The following PPP1R9A variants were observed in gnomAD, a reference collection of about 807,000 sequenced individuals.
PPP1R9A encodes neurabin-1.
PPP1R9A carries 59 observed loss-of-function variants against 141.9 expected under a neutral mutation model. That is an observed-to-expected ratio of 0.42 (90% CI 0.34 to 0.52). PPP1R9A has a LOEUF of 0.52. Ranked by LOEUF, PPP1R9A falls within the 20% of genes least tolerant of loss-of-function variation. PPP1R9A has a pLI of 0.10. For missense variants in PPP1R9A, 1,444 were observed against 1,611.9 expected, an observed-to-expected ratio of 0.90 and a Z score of 1.78; for synonymous variants, 500 against 569.7, an observed-to-expected ratio of 0.88 and a Z score of 1.74.
At chr7:95,260,887 A>G (rs1293864328) in intron 12 of PPP1R9A, among the ~76,000 whole-genome samples, 2 of 152,184 alleles carry the variant, frequency 1.3e-5, no homozygotes, top group Non-Finnish European at 2.9e-5. Flanking sequence ...TTTCTTTTCA[A>G]GGAAACTTCA....
intron 4 of PPP1R9A, among the ~76,000 whole-genome samples, chr7:95,150,154 C>CAAAAA: frequency 1.1e-5 from 1 of 92,448 alleles, no homozygotes; most frequent in Non-Finnish European, 2.5e-5. Context: ...ATCCCCCTGC[C>CAAAAA]AAAAAAAAAA....
intron 2 of PPP1R9A, among the ~76,000 whole-genome samples, chr7:94,919,619 C>G (rs1330183990): frequency 6.6e-6 from 1 of 152,052 alleles, no homozygotes; most frequent in East Asian, 1.9e-4. Context: ...TGGAATTGTT[C>G]ACGGACAGCT....
intron 16 of PPP1R9A, among the ~76,000 whole-genome samples, chr7:95,283,642 T>G (rs1308410229): frequency 6.6e-6 from 1 of 152,218 alleles, no homozygotes; most frequent in Non-Finnish European, 1.5e-5. Flanking sequence ...ATGCTGCTTA[T>G]GAGCTAATGT....
At chr7:94,938,447 G>C (rs1409579571) in intron 2 of PPP1R9A, among the ~76,000 whole-genome samples, 2 of 151,932 alleles carry the variant, frequency 1.3e-5, no homozygotes, top group African/African-American at 2.4e-5. Flanking sequence ...GATGCTTTCA[G>C]AAGGTTTTCT....
chr7:95,262,824 T>C lies in PPP1R9A; in HGVS notation c.2666-5726T>C, dbSNP rs970884013. 2.0e-5 allele frequency among the ~76,000 whole-genome samples: 3 copies of C among 152,210 alleles called. 1 individual carries two copies. The highest frequency in any genetic ancestry group is 2.0e-4 in the Admixed American group (3 of 15,276). On this transcript the variant is annotated intron_variant, in intron 12 of 19. Coordinates refer to ENST00000433360, the MANE Select transcript of PPP1R9A (RefSeq NM_001166160.2). Reference sequence around the variant, plus strand: ...ATGATTAGCAAATTAAATGTATAGCTCATACAACAAAAGTTCAGACCTAGT... The same window carrying C: ...ATGATTAGCAAATTAAATGTATAGCCCATACAACAAAAGTTCAGACCTAGT...
chr7:95,225,742 T>C (rs540078678), intron 7 of PPP1R9A, among the ~76,000 whole-genome samples: 1 of 152,330 alleles, frequency 6.6e-6, no homozygotes, highest in South Asian at 2.1e-4. Context: ...AGTAGATTTT[T>C]AGAAACGCAC....
intron 8 of PPP1R9A, among the ~76,000 whole-genome samples, chr7:95,229,085 C>G (rs967354255): frequency 6.6e-6 from 1 of 151,954 alleles, no homozygotes; most frequent in Non-Finnish European, 1.5e-5. Flanking sequence ...GCCTGAGTGA[C>G]AGAACCACAC....
At chr7:94,931,750 G>A (rs1016294198) in intron 2 of PPP1R9A, among the ~76,000 whole-genome samples, 4 of 152,074 alleles carry the variant, frequency 2.6e-5, no homozygotes, top group Admixed American at 6.5e-5. Context: ...GGCTAATTTC[G>A]TATTTTTAGT....
chr7:95,257,640 A>G (rs1427992041), intron 12 of PPP1R9A, among the ~76,000 whole-genome samples: 16 of 151,842 alleles, frequency 1.1e-4, no homozygotes. Flanking sequence ...AACATTAGGT[A>G]TATCTCCTAA....
At chr7:94,998,916 ACTATGCCT>A (rs1206719717) in intron 2 of PPP1R9A, among the ~76,000 whole-genome samples, 9 of 152,090 alleles carry the variant, frequency 5.9e-5, no homozygotes, top group Admixed American at 2.6e-4. Context: ...GATATAAGCC[ACTATGCCT>A]GGCAAATGTT....
chr7:95,073,121 G>A (rs894320466), intron 2 of PPP1R9A, among the ~76,000 whole-genome samples: 3 of 149,962 alleles, frequency 2.0e-5, no homozygotes, highest in African/African-American at 7.4e-5. Context: ...GAGTTTCTGG[G>A]ATTATAGGCA....
intron 16 of PPP1R9A, among the ~76,000 whole-genome samples, chr7:95,278,823 G>A (rs1350404044): frequency 6.6e-6 from 1 of 152,038 alleles, no homozygotes; most frequent in Non-Finnish European, 1.5e-5. Flanking sequence ...ATGGTTAAAA[G>A]CCTGGGTTGA....
In PPP1R9A at chr7:95,161,848, T is replaced by C. The variant is rs1214667557; in HGVS notation, c.1650-19T>C. On this transcript the variant is annotated intron_variant, in intron 4 of 19. Coordinates refer to ENST00000433360, the MANE Select transcript of PPP1R9A (RefSeq NM_001166160.2). ...TTTTTTATGTAATTTATGTGGGTAA[T>C]TTTTTCCTCTTTCTAAAGAATACAA... 2 of 1,535,380 alleles carry C rather than the reference T, an allele frequency of 1.3e-6. No individual in the cohort carries two copies. The highest frequency in any genetic ancestry group is 1.8e-6 in the Non-Finnish European group (2 of 1,125,420).
chr7:95,087,720 C>T (rs189797914), intron 2 of PPP1R9A, among the ~76,000 whole-genome samples: 63 of 151,994 alleles, frequency 4.1e-4, no homozygotes, highest in Admixed American at 2.4e-3. Flanking sequence ...GATGGTGAAA[C>T]CTTGTCTCTA....
chr7:95,268,840 C>A, intron 13 of PPP1R9A, 133 bp downstream of exon 13: 1 of 1,032,832 alleles, frequency 9.7e-7, no homozygotes, highest in Non-Finnish European at 1.4e-6. Flanking sequence ...TAGTTCACGT[C>A]TTTGTCTCCT....
chr7:95,210,646 G>A (rs1002863038), intron 7 of PPP1R9A, among the ~76,000 whole-genome samples: 2 of 151,792 alleles, frequency 1.3e-5, no homozygotes, highest in Admixed American at 6.6e-5. Context: ...CCAATTGCTG[G>A]GTATATACCC....
chr7:95,186,101 T>C (rs1396895025), intron 5 of PPP1R9A, among the ~76,000 whole-genome samples: 1 of 152,156 alleles, frequency 6.6e-6, no homozygotes, highest in African/African-American at 2.4e-5. Flanking sequence ...ATTGAATTTG[T>C]AGATTGCTTT....
chr7:94,992,301 G>A (rs1563091529), intron 2 of PPP1R9A, among the ~76,000 whole-genome samples: 2 of 152,172 alleles, frequency 1.3e-5, no homozygotes, highest in African/African-American at 4.8e-5. Flanking sequence ...TGTTGTGCAA[G>A]TATCAATACT....
intron 2 of PPP1R9A, among the ~76,000 whole-genome samples, chr7:95,104,758 A>G (rs1161292690): frequency 6.6e-6 from 1 of 152,232 alleles, no homozygotes. Flanking sequence ...CTCTAAAGCT[A>G]TTAGAATCCT....
Sources: gnomAD v4.1 joint callset for allele counts (sites outside exome capture counted in the v4.1 genomes callset) on GRCh38, gnomAD v4.1.1 for gene constraint, MANE v1.5 for transcripts, NCBI Gene and HGNC (gene_info 2026-07-23, HGNC 2026-07-21) for gene names.